Variants in METAP2 observed in about 807,000 individuals in gnomAD.
The protein encoded by METAP2 is methionyl aminopeptidase 2.
A neutral mutation model predicts 59.4 loss-of-function variants in METAP2; 25 were observed. That is an observed-to-expected ratio of 0.42 (90% CI 0.31 to 0.59). The LOEUF is 0.59. METAP2 is among the 20% of genes least tolerant of loss of function. The probability of loss-of-function intolerance (pLI) is 0.16; values close to 1 mark genes in which losing one functional copy is unlikely to be tolerated. For synonymous variants in METAP2, 214 were observed against 194.1 expected (o/e 1.10, Z -0.85); for missense variants, 366 against 581.2 (o/e 0.63, Z 3.81).
At chr12:95,474,381 T>C (rs563712812) in intron 1 of METAP2, 51 bp downstream of exon 1, 4 of 1,595,034 alleles carry the variant, frequency 2.5e-6, no homozygotes, top group African/African-American at 2.7e-5. Flanking sequence ...GGCTGAACTG[T>C]TTGGCTCAGG....
intron 7 of METAP2, among the ~76,000 whole-genome samples, chr12:95,501,562 A>G (rs1165459888): frequency 6.6e-6 from 1 of 152,080 alleles, no homozygotes; most frequent in Admixed American, 6.5e-5. Flanking sequence ...TAAAAGTACA[A>G]AAATTAGCTA....
chr12:95,483,128 T>C (rs569215973), intron 2 of METAP2, 87 bp from the exon 3 acceptor site: 1 of 950,366 alleles, frequency 1.1e-6, no homozygotes. Flanking sequence ...ATTTATTGAA[T>C]AGAGCAAATA....
At chr12:95,498,223 G>A (rs995414893) in intron 7 of METAP2, among the ~76,000 whole-genome samples, 6 of 151,506 alleles carry the variant, frequency 4.0e-5, no homozygotes. Context: ...CCCTCACCTT[G>A]TCCTCCCAAA....
At chr12:95,477,996 A>G (rs1296259598) in intron 2 of METAP2, among the ~76,000 whole-genome samples, 2 of 152,224 alleles carry the variant, frequency 1.3e-5, no homozygotes, top group African/African-American at 2.4e-5. Flanking sequence ...ATATGGTATC[A>G]TAATGCTTCC....
At position 95,490,410 on chromosome 12, in the gene METAP2, A is replaced by T. The variant is rs546995578; in HGVS notation, c.429-3646A>T. Reference sequence around the variant, plus strand: ...TGTCAATTTGCTCCTTATTGGTGATATTTAATTTTTATCGTTCGTTTAAAG... The same window carrying T: ...TGTCAATTTGCTCCTTATTGGTGATTTTTAATTTTTATCGTTCGTTTAAAG... On this transcript the variant is annotated intron_variant, in intron 4 of 10. Transcript: ENST00000323666. 4.7e-5 allele frequency among the ~76,000 whole-genome samples: 7 copies of T among 149,540 alleles called. No homozygotes were observed. The South Asian group carries it at 1.3e-3, about 27-fold the overall frequency.
intron 3 of METAP2, among the ~76,000 whole-genome samples, chr12:95,485,642 T>G (rs769616768): frequency 2.6e-5 from 4 of 152,180 alleles, no homozygotes; most frequent in Admixed American, 6.5e-5. Flanking sequence ...TGCCAAGGCA[T>G]ATACTGTTTA....
At chr12:95,480,091 C>T (rs1487600289) in intron 2 of METAP2, among the ~76,000 whole-genome samples, 6 of 152,276 alleles carry the variant, frequency 3.9e-5, no homozygotes, top group East Asian at 1.9e-4. Flanking sequence ...ATCACTGATA[C>T]GTTTTCTGAC....
chr12:95,494,844 A>G, intron 5 of METAP2, 113 bp from the exon 6 acceptor site: 1 of 712,246 alleles, frequency 1.4e-6, no homozygotes, highest in Admixed American at 3.0e-5. Context: ...GATCATTCCC[A>G]GAAGGTATTT....
At chr12:95,498,145 A>C (rs2076289175) in intron 7 of METAP2, among the ~76,000 whole-genome samples, 1 of 151,594 alleles carries the variant, frequency 6.6e-6, no homozygotes, top group Non-Finnish European at 1.5e-5. Context: ...AAAAAAAAAA[A>C]AACAGTAGAG....
intron 7 of METAP2, among the ~76,000 whole-genome samples, chr12:95,498,082 G>A (rs1394901426): frequency 6.6e-6 from 1 of 150,996 alleles, no homozygotes. Context: ...GCAGTGAGCC[G>A]AGATCGCCCC....
At chr12:95,483,647 A>G (rs928749394) in intron 3 of METAP2, among the ~76,000 whole-genome samples, 1 of 152,174 alleles carries the variant, frequency 6.6e-6, no homozygotes, top group Non-Finnish European at 1.5e-5. Context: ...TGGTTTAACA[A>G]TCCTTTATTT....
At chr12:95,510,242 T>C (rs926317093) in intron 8 of METAP2, among the ~76,000 whole-genome samples, 1 of 152,168 alleles carries the variant, frequency 6.6e-6, no homozygotes, top group South Asian at 2.1e-4. Context: ...CCTCAAGAAA[T>C]TGAATATTGC....
intron 4 of METAP2, among the ~76,000 whole-genome samples, chr12:95,486,511 T>G (rs2140143980): frequency 6.6e-6 from 1 of 152,220 alleles, no homozygotes; most frequent in Admixed American, 6.5e-5. Flanking sequence ...CTTTTTTTTT[T>G]TTTGAGACAG....
chr12:95,510,371 C>T (rs1159449418), intron 8 of METAP2, among the ~76,000 whole-genome samples: 2 of 152,104 alleles, frequency 1.3e-5, no homozygotes, highest in East Asian at 1.9e-4. Context: ...GTGTTGGAGG[C>T]TGGGAAGATT....
At chr12:95,495,266 T>C in intron 6 of METAP2, 128 bp downstream of exon 6, 1 of 744,798 alleles carries the variant, frequency 1.3e-6, no homozygotes, top group Non-Finnish European at 2.1e-6. Flanking sequence ...TTAGGAAAGG[T>C]GTGTTGAGGC....
At chr12:95,493,217 T>C (rs1449087397) in intron 4 of METAP2, among the ~76,000 whole-genome samples, 1 of 152,226 alleles carries the variant, frequency 6.6e-6, no homozygotes, top group Non-Finnish European at 1.5e-5. Flanking sequence ...GGCTCACGCC[T>C]GTAATCCCAG....
intron 8 of METAP2, among the ~76,000 whole-genome samples, chr12:95,506,358 G>A (rs756671597): frequency 5.0e-4 from 73 of 145,880 alleles, no homozygotes; most frequent in African/African-American, 1.2e-3. Context: ...GTGCAGTGGC[G>A]CAATCTTGGT....
intron 8 of METAP2, 73 bp downstream of exon 8, chr12:95,504,234 A>T (rs146715983): frequency 6.2e-6 from 6 of 969,302 alleles, no homozygotes; most frequent in Middle Eastern, 2.5e-4. Context: ...TCTTTGGGTC[A>T]GCTGCTTCAT....
chr12:95,504,148 G>A lies in METAP2; in HGVS notation c.951G>A (p.Gly317=), dbSNP rs1394435611. 1 of 1,599,014 alleles carries A rather than the reference G, an allele frequency of 6.3e-7. No individual in the cohort carries two copies. Among genetic ancestry groups the A allele is most frequent in the South Asian group, 1.1e-5 (1 of 90,494 alleles). ...AGTCCTATGAAGTTGAAATAGATGG[G>A]AAGACATATCAAGGTATGTTCTTTT... is the stretch of plus-strand genomic sequence containing the variant. ...VMESYEVEID[G]KTYQVKPIRN... The change falls in exon 8 of 11, where the codon GGG becomes GGA. Residue 317 remains glycine (G), a synonymous_variant. Coordinates refer to ENST00000323666, the MANE Select transcript of METAP2 (RefSeq NM_006838.4).
Sources: gnomAD v4.1 joint callset for allele counts (sites outside exome capture counted in the v4.1 genomes callset) on GRCh38, gnomAD v4.1.1 for gene constraint, MANE v1.5 for transcripts, NCBI Gene and HGNC (gene_info 2026-07-23, HGNC 2026-07-21) for gene names.